Variants in NIPAL3 observed in about 807,000 individuals in gnomAD.
The protein encoded by NIPAL3 is NIPA like domain containing 3.
In NIPAL3, 41 loss-of-function variants were observed where a neutral mutation model predicts 47.2. The ratio of observed to expected loss-of-function variants is 0.87; its 90% CI spans 0.68 to 1.13. NIPAL3 has a LOEUF of 1.13. Among genes scored for constraint, NIPAL3 ranks in the 50% most tolerant of loss-of-function variants. The pLI, the probability that NIPAL3 is intolerant of heterozygous loss-of-function variation, is 0.00. For missense variants in NIPAL3, 449 were observed against 530.1 expected, an observed-to-expected ratio of 0.85 and a Z score of 1.50; for synonymous variants, 194 against 209.6, an observed-to-expected ratio of 0.93 and a Z score of 0.64.
chr1:24,462,177 C>G (rs1466933215), intron 10 of NIPAL3, among the ~76,000 whole-genome samples: 2 of 152,108 alleles, frequency 1.3e-5, no homozygotes, highest in African/African-American at 4.8e-5. Flanking sequence ...CTCGTGAGAA[C>G]TCACTCACTA....
At chr1:24,436,899 A>G (rs1361948704) in intron 2 of NIPAL3, among the ~76,000 whole-genome samples, 1 of 152,302 alleles carries the variant, frequency 6.6e-6, no homozygotes, top group Non-Finnish European at 1.5e-5. Context: ...CAGATGTTCT[A>G]TAATTGACTT....
At chr1:24,427,113 C>G (rs970923813) in intron 2 of NIPAL3, among the ~76,000 whole-genome samples, 34 of 152,294 alleles carry the variant, frequency 2.2e-4, no homozygotes, top group Non-Finnish European at 2.9e-5. Flanking sequence ...AGGCTGCCAG[C>G]GGGGTCCAGA....
chr1:24,449,519 G>A lies in NIPAL3; in HGVS notation c.433G>A (p.Val145Ile), dbSNP rs1164225046. The A allele has an allele frequency of 1.1e-5, 18 of 1,614,010 alleles. No individual in the cohort carries two copies. Among genetic ancestry groups the A allele is most frequent in the Non-Finnish European group, 1.4e-5 (17 of 1,180,036 alleles). The change falls in exon 6 of 12, where the codon GTC becomes ATC. Residue 145 changes from valine to isoleucine, a missense_variant. Coordinates refer to ENST00000374399, the MANE Select transcript of NIPAL3 (RefSeq NM_020448.5). This position sits in a 1 kb window ranked among gnomAD's most constrained non-coding sequence, Gnocchi z 4.5. ...GTCCTTTGTTGGCTGCGGTTTGGCTGTCGTGGGTACCTACCTGCTGGTGAC... is the reference window on the plus strand; with the variant it reads ...GTCCTTTGTTGGCTGCGGTTTGGCTATCGTGGGTACCTACCTGCTGGTGAC... Reference protein sequence around the residue: ...VLSFVGCGLAVVGTYLLVTFA... With the variant: ...VLSFVGCGLAIVGTYLLVTFA...
At chr1:24,433,021 A>G (rs972131598) in intron 2 of NIPAL3, 2 of 152,210 alleles carry the variant, frequency 1.3e-5, no homozygotes, top group Non-Finnish European at 2.9e-5. Context: ...ATAGTAAAGA[A>G]ATCTGTATCC....
At chr1:24,443,127 C>T (rs1427660794) in intron 4 of NIPAL3, among the ~76,000 whole-genome samples, 2 of 152,184 alleles carry the variant, frequency 1.3e-5, no homozygotes, top group Non-Finnish European at 2.9e-5. Flanking sequence ...TGCCAGCTTT[C>T]TGTGATTTCT....
intron 5 of NIPAL3, among the ~76,000 whole-genome samples, chr1:24,446,199 G>A (rs1304980298): frequency 1.3e-5 from 2 of 152,118 alleles, no homozygotes; most frequent in Non-Finnish European, 2.9e-5. Flanking sequence ...TGCTTTCGGG[G>A]ACTGGGGAGA....
Position 24,460,485 on chromosome 1 carries a change from A to G in NIPAL3, c.867A>G (p.Ala289=). The change falls in exon 10 of 12, where the codon GCA becomes GCG. Residue 289 remains alanine (A), a synonymous_variant. Transcript: ENST00000374399. The part of the protein sequence containing the change: ...LSTTIAITAG[A]IFYLDFIGED... ...TTCTATGATTTGCTGCTGCAGGTGC[A>G]ATATTTTACCTGGACTTCATCGGGG... The G allele has an allele frequency of 1.9e-6, 3 of 1,588,696 alleles. No homozygotes were observed. The highest frequency in any genetic ancestry group is 1.4e-5 in the African/African-American group (1 of 73,240).
At chr1:24,468,914 G>A in intron 11 of NIPAL3, 72 bp from the exon 12 acceptor site, 1 of 1,363,666 alleles carries the variant, frequency 7.3e-7, no homozygotes, top group Non-Finnish European at 1.0e-6. Flanking sequence ...GTCTGTGGCG[G>A]GATAGAGGGA....
intron 7 of NIPAL3, 25 bp downstream of exon 7, chr1:24,453,529 GT>G: frequency 6.4e-7 from 1 of 1,568,052 alleles, no homozygotes; most frequent in Admixed American, 1.7e-5. Flanking sequence ...GGATGATTGA[GT>G]TTTGCCACCA....
At chr1:24,459,034 C>T (rs1646350687) in intron 9 of NIPAL3, 58 bp downstream of exon 9, 1 of 1,473,946 alleles carries the variant, frequency 6.8e-7, no homozygotes, top group Admixed American at 1.7e-5. Flanking sequence ...GGTATTATCC[C>T]AGGGCAGAGG....
chr1:24,427,448 T>C (rs1371092434), intron 2 of NIPAL3, among the ~76,000 whole-genome samples: 1 of 152,268 alleles, frequency 6.6e-6, no homozygotes, highest in African/African-American at 2.4e-5. Context: ...CTATTGCTAA[T>C]CATGTCTGTC....
At chr1:24,427,161 C>T (rs973043481) in intron 2 of NIPAL3, among the ~76,000 whole-genome samples, 2 of 152,184 alleles carry the variant, frequency 1.3e-5, no homozygotes, top group Non-Finnish European at 2.9e-5. Context: ...TCCCTCCCTG[C>T]AGCAGAACTG....
chr1:24,424,506 G>A (rs1644485455), intron 2 of NIPAL3, among the ~76,000 whole-genome samples: 1 of 152,194 alleles, frequency 6.6e-6, no homozygotes, highest in South Asian at 2.1e-4. Flanking sequence ...TTCTGCGTGG[G>A]GATGGGGAGA....
Position 24,468,934 on chromosome 1 carries a change from T to TCCTTGGCCC in NIPAL3, c.1022-47_1022-39dup. 4 of 1,563,248 alleles carry TCCTTGGCCC rather than the reference T, an allele frequency of 2.6e-6. No homozygotes were observed. In the South Asian group the frequency reaches 4.5e-5, roughly 18 times the overall value. On this transcript the variant is annotated intron_variant, in intron 11 of 11. Coordinates refer to ENST00000374399, the MANE Select transcript of NIPAL3 (RefSeq NM_020448.5). Reference sequence around the variant, plus strand: ...TGGCGGGATAGAGGGAGATGCGGCCTCCTTGGCCCCCTTACCGCGTAATGA... The same window carrying TCCTTGGCCC: ...TGGCGGGATAGAGGGAGATGCGGCCTCCTTGGCCCCCTTGGCCCCCTTACCGCGTAATGA...
At chr1:24,428,304 C>CCG (rs1179915627) in intron 2 of NIPAL3, among the ~76,000 whole-genome samples, 2 of 103,048 alleles carry the variant, frequency 1.9e-5, no homozygotes, top group East Asian at 2.7e-4. Flanking sequence ...GAGAGAGAGA[C>CCG]ACCAGAACCT....
intron 2 of NIPAL3, among the ~76,000 whole-genome samples, chr1:24,431,170 A>G (rs891250673): frequency 2.0e-5 from 3 of 152,170 alleles, no homozygotes; most frequent in Admixed American, 2.0e-4. Flanking sequence ...GAGGGAAGAA[A>G]AGTCATTCTT....
chr1:24,449,605 C>T lies in NIPAL3; in HGVS notation c.519C>T (p.Ser173=), dbSNP rs750650266. Residue 173 remains serine, a synonymous_variant, in exon 6 of 12, where the codon AGC becomes AGT. Coordinates refer to ENST00000374399, the MANE Select transcript of NIPAL3 (RefSeq NM_020448.5). This position sits in a 1 kb window ranked among gnomAD's most constrained non-coding sequence, Gnocchi z 4.5. The part of the protein sequence containing the change: ...TGENVTRHLV[S]WPFLLYMLVE... The stretch of plus-strand genomic sequence containing the variant: ...AGAATGTCACCAGGCACCTCGTGAG[C>T]TGGCCTTTCCTTTTGTACATGGTAA... 1.2e-6 allele frequency: 2 copies of T among 1,613,746 alleles called. No homozygotes were observed. Among genetic ancestry groups the T allele is most frequent in the South Asian group, 1.1e-5 (1 of 91,076 alleles).
In NIPAL3 at chr1:24,440,236, TC is replaced by T; in HGVS notation, c.160del (p.Gln54ArgfsTer29). 6.3e-7 allele frequency: 1 copy of T among 1,590,376 alleles called. No homozygotes were observed. The highest frequency in any genetic ancestry group is 8.5e-7 in the Non-Finnish European group (1 of 1,169,590). ...CTCGTGGTCAGCATTGCACTTAACC[TC>T]CAGGTAAGTTTCAGTTACCAGCACT... ...GHLVVSIALN[L>X]QKYCHIRLAG... is the part of the protein sequence containing the mutation. On this transcript the variant is annotated frameshift_variant, in exon 3 of 12. Transcript: ENST00000374399. LOFTEE classifies it high-confidence loss of function.
intron 4 of NIPAL3, among the ~76,000 whole-genome samples, chr1:24,444,012 C>A (rs1645527227): frequency 2.0e-5 from 2 of 102,532 alleles, no homozygotes; most frequent in African/African-American, 9.2e-5. Flanking sequence ...TTCAAATAAC[C>A]AAATTCTTTT....
Sources: allele counts gnomAD v4.1 joint callset (sites outside exome capture counted in the v4.1 genomes callset), GRCh38; gene constraint gnomAD v4.1.1; non-coding constraint Gnocchi (gnomAD v3.1); transcripts MANE v1.5; gene names NCBI Gene and HGNC (gene_info 2026-07-23, HGNC 2026-07-21).